Variants in ATAD2 observed in about 807,000 individuals in gnomAD.
ATAD2 encodes ATPase family AAA domain-containing protein 2.
Under a neutral mutation model 168.9 loss-of-function variants are expected in ATAD2, and 62 were observed. The ratio of observed to expected loss-of-function variants is 0.37; its 90% CI spans 0.30 to 0.45. The LOEUF (loss-of-function observed/expected upper bound fraction) is 0.45, where lower values mean the gene tolerates loss of function less well. Among genes scored for constraint, ATAD2 ranks in the 20% least tolerant of loss-of-function variants. ATAD2 has a pLI of 1.00. For synonymous variants in ATAD2, 613 were observed against 571.6 expected, an observed-to-expected ratio of 1.07 and a Z score of -1.03; for missense variants, 1,419 against 1,667.8, an observed-to-expected ratio of 0.85 and a Z score of 2.60.
chr8:123,347,466 T>A, intron 15 of ATAD2, 60 bp from the exon 16 acceptor site: 6 of 1,416,434 alleles, frequency 4.2e-6, no homozygotes, highest in Non-Finnish European at 5.7e-6. Flanking sequence ...AACACAAAAC[T>A]CTATTAGCAT....
chr8:123,414,644 A>G (rs546323119), intron 1 of ATAD2, among the ~76,000 whole-genome samples: 1 of 152,346 alleles, frequency 6.6e-6, no homozygotes, highest in African/African-American at 2.4e-5. Context: ...ATTATTATTA[A>G]CTATGATAAA....
upstream of ATAD2, among the ~76,000 whole-genome samples, chr8:123,399,795 G>A (rs778779465): frequency 4.0e-5 from 6 of 151,002 alleles, no homozygotes; most frequent in African/African-American, 9.7e-5. Context: ...CAGAGGTTGC[G>A]GTGAGCCGAG....
chr8:123,370,949 A>G lies in ATAD2; in HGVS notation c.681T>C (p.Ile227=). The G allele has an allele frequency of 6.2e-7, 1 of 1,607,918 alleles. No homozygotes were observed. The highest frequency in any genetic ancestry group is 2.2e-5 in the East Asian group (1 of 44,638). Residue 227 remains isoleucine (I), a synonymous_variant, in exon 6 of 28, where the codon ATT becomes ATC. Transcript: ENST00000287394. ...CAGTTGTTTCTTCATCAGTTCTTTG[A>G]ATATCTTTCTGTTTTCCTCTTGTGT... ...NMYTRGKQKD[I]QRTDEETTDN...
At chr8:123,413,998 C>G (rs1009544427) in intron 1 of ATAD2, among the ~76,000 whole-genome samples, 1 of 139,292 alleles carries the variant, frequency 7.2e-6, no homozygotes, top group African/African-American at 2.7e-5. Flanking sequence ...CAAGAAAATA[C>G]ACAATTTAGC....
intron 1 of ATAD2, among the ~76,000 whole-genome samples, chr8:123,384,483 C>G (rs904174510): frequency 5.9e-5 from 9 of 152,122 alleles, no homozygotes; most frequent in African/African-American, 2.2e-4. Context: ...AAGAATTTTC[C>G]CTTCACTCTG....
At chr8:123,365,089 A>T (rs1828934225) in intron 8 of ATAD2, among the ~76,000 whole-genome samples, 1 of 152,234 alleles carries the variant, frequency 6.6e-6, no homozygotes, top group Admixed American at 6.5e-5. Flanking sequence ...TCAGGATACA[A>T]AATCAATGTA....
At chr8:123,349,541 T>C (rs1828379329) in intron 13 of ATAD2, 97 bp from the exon 14 acceptor site, 1 of 1,207,452 alleles carries the variant, frequency 8.3e-7, no homozygotes, top group Non-Finnish European at 1.1e-6. Flanking sequence ...ACGCATTACA[T>C]GTGAATAAAT....
intron 24 of ATAD2, among the ~76,000 whole-genome samples, chr8:123,329,205 A>G (rs1420329313): frequency 6.6e-6 from 1 of 152,150 alleles, no homozygotes; most frequent in Admixed American, 6.6e-5. Flanking sequence ...TGAGAAATGG[A>G]CTGGAAGAAG....
At chr8:123,412,795 A>G (rs1443955435) in intron 1 of ATAD2, among the ~76,000 whole-genome samples, 2 of 152,078 alleles carry the variant, frequency 1.3e-5, no homozygotes, top group East Asian at 3.9e-4. Context: ...CTTGGTTCCA[A>G]ATCCCTGCAC....
chr8:123,339,685 G>A (rs1463588961), intron 19 of ATAD2, among the ~76,000 whole-genome samples: 2 of 152,018 alleles, frequency 1.3e-5, no homozygotes, highest in Non-Finnish European at 2.9e-5. Context: ...AAATGCATGT[G>A]TCAGTCATTC....
At chr8:123,351,260 T>C (rs1332850060) in intron 13 of ATAD2, among the ~76,000 whole-genome samples, 2 of 152,120 alleles carry the variant, frequency 1.3e-5, no homozygotes, top group African/African-American at 4.8e-5. Flanking sequence ...TGAGTGGCCA[T>C]TGATAATTAT....
rs1462616424 is a variant in ATAD2, at chr8:123,357,648, C to T, written c.1471G>A (p.Val491Ile). 1.9e-6 allele frequency: 3 copies of T among 1,613,990 alleles called. No individual in the cohort carries two copies. The highest frequency in any genetic ancestry group is 2.5e-6 in the Non-Finnish European group (3 of 1,179,992). ...ANECSQGDKRVAFFMRKGADC... is the reference protein window; with the variant it reads ...ANECSQGDKRIAFFMRKGADC... ...GCACCTTTCCTCATGAAAAATGCTACTCTTTTATCCCCTTGACTGCACTCA... is the reference window on the plus strand; with the variant it reads ...GCACCTTTCCTCATGAAAAATGCTATTCTTTTATCCCCTTGACTGCACTCA... The change falls in exon 12 of 28, where the codon GTA becomes ATA. Residue 491 changes from valine (V) to isoleucine (I), a missense_variant. Val to Ile is a conservative substitution (Grantham distance 29). This residue lies in a region of ATAD2 where 146 missense variants were observed against 188.3 expected (regional missense o/e 0.78). Transcript: ENST00000287394.
chr8:123,353,102 G>A (rs780423763), intron 13 of ATAD2, among the ~76,000 whole-genome samples: 7 of 151,432 alleles, frequency 4.6e-5, no homozygotes, highest in Admixed American at 4.0e-4. Flanking sequence ...GGTGGGTCAC[G>A]CCTGTAATCC....
At chr8:123,361,716 T>C in intron 8 of ATAD2, 70 bp from the exon 9 acceptor site, 2 of 1,255,388 alleles carry the variant, frequency 1.6e-6, no homozygotes, top group Non-Finnish European at 2.3e-6. Flanking sequence ...AAGAAAAGCA[T>C]CAGAAATACC....
intron 1 of ATAD2, among the ~76,000 whole-genome samples, chr8:123,411,176 G>A (rs564200844): frequency 4.6e-5 from 7 of 152,208 alleles, no homozygotes; most frequent in South Asian, 2.1e-4. Flanking sequence ...CCTCCAAAGC[G>A]TTTGTCTCTT....
chr8:123,334,548 TG>T (rs1370306596), intron 22 of ATAD2, among the ~76,000 whole-genome samples: 2 of 152,092 alleles, frequency 1.3e-5, no homozygotes, highest in Non-Finnish European at 2.9e-5. Flanking sequence ...TTTACTGCTC[TG>T]TCCTGTTCAG....
intron 13 of ATAD2, 91 bp from the exon 14 acceptor site, chr8:123,349,535 A>G (rs930693161): frequency 1.6e-6 from 2 of 1,242,726 alleles, no homozygotes; most frequent in East Asian, 5.2e-5. Flanking sequence ...GATTTAACGC[A>G]TTACATGTGA....
chr8:123,350,556 AT>A (rs948482906), intron 13 of ATAD2, among the ~76,000 whole-genome samples: 1 of 151,758 alleles, frequency 6.6e-6, no homozygotes, highest in Non-Finnish European at 1.5e-5. Flanking sequence ...TGCCTCTTAC[AT>A]TTTTTTTCCC....
chr8:123,351,009 T>C (rs1205100852), intron 13 of ATAD2, among the ~76,000 whole-genome samples: 1 of 152,078 alleles, frequency 6.6e-6, no homozygotes, highest in Non-Finnish European at 1.5e-5. Context: ...GTGCTGGGAT[T>C]ACAGACGTGA....
Sources: allele counts gnomAD v4.1 joint callset (sites outside exome capture counted in the v4.1 genomes callset), GRCh38; gene constraint gnomAD v4.1.1; regional missense constraint gnomAD v4.1.1; transcripts MANE v1.5; gene names NCBI Gene and HGNC (gene_info 2026-07-23, HGNC 2026-07-21).